SMPDL3A: variants seen among roughly 807,000 people sequenced by gnomAD.
The protein encoded by SMPDL3A is cyclic GMP-AMP phosphodiesterase SMPDL3A.
Under a neutral mutation model 38.5 loss-of-function variants are expected in SMPDL3A, and 39 were observed. The ratio of observed to expected loss-of-function variants is 1.01; its 90% CI spans 0.78 to 1.32. SMPDL3A has a LOEUF of 1.32. Ranked by LOEUF, SMPDL3A falls within the 40% of genes most tolerant of loss-of-function variation. The pLI is 0.00. For missense variants in SMPDL3A, 502 were observed against 536.2 expected (o/e 0.94, Z 0.63); for synonymous variants, 180 against 194.3 (o/e 0.93, Z 0.61).
chr6:122,807,089 G>C (rs1052781660), intron 7 of SMPDL3A, among the ~76,000 whole-genome samples: 1 of 151,636 alleles, frequency 6.6e-6, no homozygotes, highest in Non-Finnish European at 1.5e-5. Flanking sequence ...GATGGGGGGG[G>C]GGGGTCTCCC....
intron 4 of SMPDL3A, among the ~76,000 whole-genome samples, chr6:122,802,433 C>T (rs1480504726): frequency 6.6e-6 from 1 of 152,052 alleles, no homozygotes; most frequent in Non-Finnish European, 1.5e-5. Flanking sequence ...GGCTTCTGAC[C>T]TCAGGAGATC....
In SMPDL3A at chr6:122,803,713, C is replaced by G. The variant is rs750223825; in HGVS notation, c.618C>G (p.Ile206Met). The change falls in exon 5 of 8, where the codon ATC becomes ATG. Residue 206 changes from isoleucine (I) to methionine (M), a missense_variant. Coordinates refer to ENST00000368440, the MANE Select transcript of SMPDL3A (RefSeq NM_006714.5). Reference sequence around the variant, plus strand: ...CAACTAATCCAAACCTTAGGATCATCAGTCTAAACACAAACTTGTACTACG... The same window carrying G: ...CAACTAATCCAAACCTTAGGATCATGAGTCTAAACACAAACTTGTACTACG... Reference protein sequence around the residue: ...KVTTNPNLRIISLNTNLYYGP... With the variant: ...KVTTNPNLRIMSLNTNLYYGP... The G allele has an allele frequency of 3.1e-6, 5 of 1,613,730 alleles. No individual in the cohort carries two copies. The highest frequency in any genetic ancestry group is 1.7e-6 in the Non-Finnish European group (2 of 1,179,860).
chr6:122,808,624 T>TCCCC, intron 7 of SMPDL3A, among the ~76,000 whole-genome samples: 1 of 98,870 alleles, frequency 1.0e-5, no homozygotes, highest in Non-Finnish European at 2.0e-5. Flanking sequence ...CCTTCCTTCC[T>TCCCC]TCCTTCCTTC....
intron 7 of SMPDL3A, among the ~76,000 whole-genome samples, chr6:122,808,655 C>G (rs12207657): frequency 9.4e-6 from 1 of 106,218 alleles, no homozygotes; most frequent in Admixed American, 1.0e-4. Flanking sequence ...CCCCTCCTCC[C>G]CCCTCCCTCC....
intron 4 of SMPDL3A, among the ~76,000 whole-genome samples, chr6:122,802,983 G>A (rs869477): frequency 0.83 from 126,447 of 152,132 alleles, 53,260 homozygotes; most frequent in East Asian, 0.99. Flanking sequence ...ATAAGGTGTT[G>A]TGACTACAAG....
At chr6:122,797,995 T>G (rs894229194) in intron 3 of SMPDL3A, among the ~76,000 whole-genome samples, 3 of 152,188 alleles carry the variant, frequency 2.0e-5, no homozygotes, top group Middle Eastern at 3.2e-3. Context: ...TCCCTTGCCT[T>G]GCCTGATTAA....
chr6:122,799,517 C>T (rs1781354381), intron 3 of SMPDL3A, among the ~76,000 whole-genome samples: 1 of 152,204 alleles, frequency 6.6e-6, no homozygotes, highest in Admixed American at 6.5e-5. Context: ...CCATACTTGG[C>T]ATCCATCCCA....
chr6:122,803,968 C>A, intron 5 of SMPDL3A, 135 bp downstream of exon 5: 3 of 653,414 alleles, frequency 4.6e-6, no homozygotes, highest in South Asian at 2.4e-5. Flanking sequence ...CACTTTACAA[C>A]TCATGGATTT....
intron 3 of SMPDL3A, 146 bp from the exon 4 acceptor site, chr6:122,801,164 T>G: frequency 6.3e-6 from 4 of 632,386 alleles, no homozygotes; most frequent in Non-Finnish European, 1.1e-5. Flanking sequence ...CCAACTAAGT[T>G]ATAATTCCTT....
intron 6 of SMPDL3A, among the ~76,000 whole-genome samples, chr6:122,805,845 G>T (rs561572164): frequency 2.6e-5 from 4 of 152,062 alleles, no homozygotes; most frequent in South Asian, 4.1e-4. Flanking sequence ...TGCCCGCCTC[G>T]GCCTCCCAAA....
At chr6:122,789,991 G>C in intron 1 of SMPDL3A, 2 of 496,040 alleles carry the variant, frequency 4.0e-6, no homozygotes, top group Non-Finnish European at 5.2e-6. Flanking sequence ...CCCAGCCAGA[G>C]CGCGAAAGCA....
chr6:122,808,700 G>C (rs2115179592), intron 7 of SMPDL3A, among the ~76,000 whole-genome samples: 1 of 131,232 alleles, frequency 7.6e-6, no homozygotes, highest in Non-Finnish European at 1.5e-5. Context: ...TTGAGACAAA[G>C]TCTTGCTCTG....
intron 7 of SMPDL3A, 95 bp downstream of exon 7, chr6:122,806,452 G>A (rs13192569): frequency 0.15 from 181,868 of 1,251,706 alleles, 14,275 homozygotes; most frequent in South Asian, 0.23. Flanking sequence ...AGTCATGTGA[G>A]ATGTATTTTA....
At chr6:122,803,875 G>A in intron 5 of SMPDL3A, 42 bp downstream of exon 5, 2 of 1,555,326 alleles carry the variant, frequency 1.3e-6, no homozygotes, top group Non-Finnish European at 1.8e-6. Context: ...TAAACGGAAG[G>A]CAAAATTTGT....
chr6:122,806,336 T>A lies in SMPDL3A; in HGVS notation c.1023T>A (p.Asp341Glu), dbSNP rs1268737500. The change falls in exon 7 of 8, where the codon GAT becomes GAA. Residue 341 changes from aspartate to glutamate, a missense_variant. By Grantham distance (45) the Asp-to-Glu change is conservative. Coordinates refer to ENST00000368440, the MANE Select transcript of SMPDL3A (RefSeq NM_006714.5). ...NNPGIRLFQY[D>E]PRDYKLLDML... The stretch of plus-strand genomic sequence containing the variant: ...CTGGTATCAGACTGTTTCAGTATGA[T>A]CCTCGTGATTATAAATTATTGGTAA... 2 of 1,609,850 alleles carry A rather than the reference T, an allele frequency of 1.2e-6. No individual in the cohort carries two copies. The highest frequency in any genetic ancestry group is 3.3e-5 in the Admixed American group (2 of 59,828).
chr6:122,797,879 T>A (rs1781302780), intron 3 of SMPDL3A, among the ~76,000 whole-genome samples: 1 of 152,162 alleles, frequency 6.6e-6, no homozygotes, highest in Non-Finnish European at 1.5e-5. Context: ...GGCTCAGAAA[T>A]GTGAATTACT....
intron 3 of SMPDL3A, among the ~76,000 whole-genome samples, chr6:122,797,531 C>A (rs1781290176): frequency 6.6e-6 from 1 of 152,134 alleles, no homozygotes; most frequent in Non-Finnish European, 1.5e-5. Flanking sequence ...GCCTGAGATA[C>A]CCCCGGCTCA....
intron 7 of SMPDL3A, among the ~76,000 whole-genome samples, chr6:122,808,596 TCCC>T (rs773642796): frequency 9.1e-4 from 33 of 36,442 alleles, no homozygotes; most frequent in South Asian, 5.8e-3. Flanking sequence ...CCTCCCTTCC[TCCC>T]TCCCTCCCTC....
chr6:122,807,496 C>G (rs1440474058), intron 7 of SMPDL3A, among the ~76,000 whole-genome samples: 1 of 152,044 alleles, frequency 6.6e-6, no homozygotes, highest in African/African-American at 2.4e-5. Context: ...GAGACTCCGT[C>G]TCAAAATAAA....
Sources: allele counts gnomAD v4.1 joint callset (sites outside exome capture counted in the v4.1 genomes callset), GRCh38; gene constraint gnomAD v4.1.1; transcripts MANE v1.5; gene names NCBI Gene and HGNC (gene_info 2026-07-23, HGNC 2026-07-21).